IGFL4: variants seen among roughly 807,000 people sequenced by gnomAD.
IGFL4 encodes the protein insulin growth factor-like family member 4.
In IGFL4, 12 loss-of-function variants were observed where a neutral mutation model predicts 15.4. That is an observed-to-expected ratio of 0.78 (90% confidence interval 0.50 to 1.26). The LOEUF is 1.26. Ranked by LOEUF, IGFL4 falls within the 50% of genes most tolerant of loss-of-function variation. The probability of loss-of-function intolerance (pLI) is 0.00; values close to 1 mark genes in which losing one functional copy is unlikely to be tolerated. For missense variants in IGFL4, 126 were observed against 147.8 expected (o/e 0.85, Z 0.76); for synonymous variants, 54 against 55.9 (o/e 0.97, Z 0.16).
intron 1 of IGFL4, among the ~76,000 whole-genome samples, chr19:46,074,308 C>T (rs1482771466): frequency 6.6e-6 from 1 of 150,870 alleles, no homozygotes; most frequent in Non-Finnish European, 1.5e-5. Flanking sequence ...TACACACACA[C>T]ATATATATAT....
intron 1 of IGFL4, among the ~76,000 whole-genome samples, chr19:46,069,781 A>T (rs969736353): frequency 6.6e-6 from 1 of 152,260 alleles, no homozygotes; most frequent in Non-Finnish European, 1.5e-5. Flanking sequence ...CACTTTAATT[A>T]GAGTGTTTAG....
intron 2 of IGFL4, among the ~76,000 whole-genome samples, chr19:46,047,644 C>A (rs1053320916): frequency 2.6e-4 from 40 of 152,156 alleles, no homozygotes; most frequent in African/African-American, 9.7e-4. Context: ...CTATAAACAC[C>A]TTTATGCACA....
At chr19:46,050,542 T>C (rs1478045536) in intron 2 of IGFL4, among the ~76,000 whole-genome samples, 1 of 152,134 alleles carries the variant, frequency 6.6e-6, no homozygotes, top group African/African-American at 2.4e-5. Flanking sequence ...GTCTCAGCGA[T>C]AGAATCAAAC....
rs116509929 is a variant in IGFL4, at chr19:46,061,601, A to C, written c.-431-1308T>G. Among the ~76,000 whole-genome samples the C allele has an allele frequency of 5.3e-3, 809 of 152,292 alleles. 13 individuals carry two copies. Among genetic ancestry groups the C allele is most frequent in the African/African-American group, 0.019 (769 of 41,554 alleles). On this transcript the variant is annotated intron_variant, in intron 1 of 5. Transcript: ENST00000601672. ...GCTGGAAGGCAAAAACAGATCCCCA[A>C]AAATTAAGGGCCTCATTTTTACACC...
At chr19:46,054,220 A>G (rs1969372977) in intron 2 of IGFL4, among the ~76,000 whole-genome samples, 3 of 152,146 alleles carry the variant, frequency 2.0e-5, no homozygotes, top group South Asian at 4.1e-4. Flanking sequence ...GTTTTCTACT[A>G]TAAGTTTTGT....
chr19:46,059,250 C>G (rs931826074), intron 2 of IGFL4: 3 of 152,234 alleles, frequency 2.0e-5, no homozygotes, highest in African/African-American at 7.2e-5. Context: ...AGACCCTATT[C>G]AAGGTGGAGT....
chr19:46,053,515 C>T (rs953069524), intron 2 of IGFL4, among the ~76,000 whole-genome samples: 1 of 152,136 alleles, frequency 6.6e-6, no homozygotes, highest in South Asian at 2.1e-4. Flanking sequence ...TTTATTCATT[C>T]GTCTGCTGTT....
rs557833878 is a variant in IGFL4, at chr19:46,040,656, T to A, written c.20-88A>T. On this transcript the variant is annotated intron_variant, in intron 1 of 3. Coordinates refer to ENST00000377697, the MANE Select transcript of IGFL4 (RefSeq NM_001002923.3). The surrounding 1 kb of genome is among the most constrained non-coding windows in gnomAD (Gnocchi z 4.1). ...GGATGATGTCTCTGAGCTTCTCTGG[T>A]TGCTGTTAACAGCTCAGAGTGGATT... The A allele has an allele frequency of 4.8e-6, 7 of 1,471,066 alleles. No individual in the cohort carries two copies. In the African/African-American group the frequency reaches 8.3e-5, roughly 18 times the overall value. The allele number at this position is 1,471,066 out of a possible 1,614,324, so 91.1% of individuals were successfully genotyped here.
At chr19:46,067,163 C>T (rs1463150721) in intron 1 of IGFL4, among the ~76,000 whole-genome samples, 1 of 152,210 alleles carries the variant, frequency 6.6e-6, no homozygotes. Flanking sequence ...AAAGCCACAG[C>T]AAACAGAAGC....
chr19:46,051,742 C>T (rs576825067), intron 2 of IGFL4, among the ~76,000 whole-genome samples: 6 of 152,190 alleles, frequency 3.9e-5, no homozygotes, highest in African/African-American at 1.4e-4. Context: ...TCAAGTGACT[C>T]ACCTGACACA....
At chr19:46,077,116 A>T (rs1207005848), upstream of IGFL4, 1 of 152,264 alleles carries the variant, frequency 6.6e-6, no homozygotes, top group Non-Finnish European at 1.5e-5. The surrounding 1 kb of genome is among the most constrained non-coding windows in gnomAD (Gnocchi z 5.4). Context: ...GTCAGGATGC[A>T]GCTGAGCTTG....
rs1428744810 is a variant in IGFL4 at position 46,039,367 on chromosome 19, C to T, written c.*525G>A. Among the ~76,000 whole-genome samples the T allele has an allele frequency of 4.1e-5, 6 of 146,358 alleles. No homozygotes were observed. The highest frequency in any genetic ancestry group is 2.0e-4 in the East Asian group (1 of 5,032). ...TTCTTTTGGCTTAGGATTGACTTGG[C>T]GATGAGGGCTCTTTTTTGGTTCCAT... On this transcript the variant is annotated 3_prime_UTR_variant, in exon 4 of 4. Transcript: ENST00000377697.
At chr19:46,068,364 C>T (rs143448479) in intron 1 of IGFL4, among the ~76,000 whole-genome samples, 34 of 152,256 alleles carry the variant, frequency 2.2e-4, no homozygotes, top group African/African-American at 7.9e-4. Context: ...CTCTGAGTGT[C>T]GAATCTCATC....
chr19:46,042,732 A>G (rs1384811693), upstream of IGFL4, among the ~76,000 whole-genome samples: 1 of 152,214 alleles, frequency 6.6e-6, no homozygotes, highest in Non-Finnish European at 1.5e-5. Flanking sequence ...CAGATGACTG[A>G]ACAAGAATAA....
chr19:46,055,628 G>T (rs117625935), intron 2 of IGFL4, among the ~76,000 whole-genome samples: 1 of 152,140 alleles, frequency 6.6e-6, no homozygotes, highest in Non-Finnish European at 1.5e-5. Flanking sequence ...GCATCCTTCA[G>T]TTCTGGTCCT....
chr19:46,066,773 C>T (rs765315921), intron 1 of IGFL4, among the ~76,000 whole-genome samples: 1 of 152,214 alleles, frequency 6.6e-6, no homozygotes, highest in Non-Finnish European at 1.5e-5. Flanking sequence ...GGATCTTCCC[C>T]ATGACCCAAA....
At chr19:46,066,647 G>T (rs918720966) in intron 1 of IGFL4, among the ~76,000 whole-genome samples, 2 of 152,190 alleles carry the variant, frequency 1.3e-5, no homozygotes, top group Admixed American at 1.3e-4. Flanking sequence ...TGTGAAGCAG[G>T]AGCAAGCATG....
intron 1 of IGFL4, among the ~76,000 whole-genome samples, chr19:46,064,501 A>G (rs1234754746): frequency 6.6e-6 from 1 of 151,984 alleles, no homozygotes; most frequent in African/African-American, 2.4e-5. Flanking sequence ...TCCAGTAACC[A>G]TCCTTCTAAT....
chr19:46,068,609 A>C (rs1969516837), intron 1 of IGFL4, among the ~76,000 whole-genome samples: 1 of 152,132 alleles, frequency 6.6e-6, no homozygotes, highest in Non-Finnish European at 1.5e-5. Context: ...GTCTGGTAGG[A>C]GGGTGGTGCA....
Sources: allele counts gnomAD v4.1 joint callset (sites outside exome capture counted in the v4.1 genomes callset), GRCh38; gene constraint gnomAD v4.1.1; non-coding constraint Gnocchi (gnomAD v3.1); transcripts MANE v1.5; gene names NCBI Gene and HGNC (gene_info 2026-07-23, HGNC 2026-07-21).